IL1R1: variants seen among roughly 807,000 people sequenced by gnomAD.
IL1R1 encodes interleukin 1 receptor type 1.
IL1R1 carries 22 observed loss-of-function variants against 50.2 expected under a neutral mutation model. The observed-to-expected ratio is 0.44, with a 90% confidence interval of 0.31 to 0.63. IL1R1 has a LOEUF of 0.63. IL1R1 is among the 20% of genes least tolerant of loss of function. The pLI is 0.07. For missense variants in IL1R1, 509 were observed against 676.2 expected, an observed-to-expected ratio of 0.75 and a Z score of 2.74; for synonymous variants, 251 against 236.7, an observed-to-expected ratio of 1.06 and a Z score of -0.55.
chr2:102,178,382 T>C lies in IL1R1; in HGVS notation c.*1623T>C, dbSNP rs1686315867. On this transcript the variant is annotated 3_prime_UTR_variant, in exon 12 of 12. Transcript: ENST00000410023. ...GAGCAATTTGCACATGTAACATAGA[T>C]TTATGTAATGCTTTATGTTTAAAAA... The C allele has an allele frequency of 1.3e-5, 2 of 152,324 alleles. No homozygotes were observed. Among genetic ancestry groups the C allele is most frequent in the East Asian group, 1.9e-4 (1 of 5,318 alleles). 9.4% of individuals were successfully genotyped at this position (152,324 alleles called of 1,614,324 possible).
chr2:102,112,890 G>A (rs1293875648), intron 1 of IL1R1, among the ~76,000 whole-genome samples: 1 of 152,132 alleles, frequency 6.6e-6, no homozygotes, highest in African/African-American at 2.4e-5. Flanking sequence ...CATGAGGGTG[G>A]AGCCCTGATA....
At chr2:102,087,848 T>C (rs1389249257) in intron 1 of IL1R1, among the ~76,000 whole-genome samples, 1 of 152,240 alleles carries the variant, frequency 6.6e-6, no homozygotes, top group African/African-American at 2.4e-5. Flanking sequence ...ATACCCATGT[T>C]GTCATTTCAG....
intron 1 of IL1R1, among the ~76,000 whole-genome samples, chr2:102,115,992 A>G (rs1681050221): frequency 6.6e-6 from 1 of 152,208 alleles, no homozygotes; most frequent in Non-Finnish European, 1.5e-5. Flanking sequence ...CAAACGGCAA[A>G]TAGGAGCTTG....
intron 1 of IL1R1, among the ~76,000 whole-genome samples, chr2:102,125,468 T>C (rs993541918): frequency 1.3e-5 from 2 of 151,758 alleles, no homozygotes; most frequent in African/African-American, 4.8e-5. Flanking sequence ...AAGGGGAGAG[T>C]TTCTGGCATG....
chr2:102,140,489 G>A (rs1454233160), upstream of IL1R1, among the ~76,000 whole-genome samples: 2 of 152,186 alleles, frequency 1.3e-5, no homozygotes, highest in African/African-American at 4.8e-5. Flanking sequence ...GTGTCCAGAG[G>A]CTAACAATGC....
upstream of IL1R1, among the ~76,000 whole-genome samples, chr2:102,141,467 C>T (rs979007394): frequency 3.9e-5 from 6 of 152,312 alleles, 1 homozygote; most frequent in South Asian, 1.0e-3. Context: ...AGCCTGCTTT[C>T]TCGAGGAAAA....
At chr2:102,111,024 C>T (rs1184851239) in intron 1 of IL1R1, among the ~76,000 whole-genome samples, 1 of 152,138 alleles carries the variant, frequency 6.6e-6, no homozygotes, top group Non-Finnish European at 1.5e-5. Context: ...AGCATAAAAA[C>T]CCAGCATGAG....
intron 3 of IL1R1, among the ~76,000 whole-genome samples, chr2:102,161,192 T>G (rs1350681264): frequency 6.6e-6 from 1 of 152,208 alleles, no homozygotes; most frequent in Non-Finnish European, 1.5e-5. Context: ...TTTCTTTGAC[T>G]CATGAGTTAT....
intron 1 of IL1R1, among the ~76,000 whole-genome samples, chr2:102,109,437 TAGTGA>T (rs1419469767): frequency 6.6e-6 from 1 of 150,800 alleles, no homozygotes; most frequent in Non-Finnish European, 1.5e-5. Flanking sequence ...AGCTGCAGGC[TAGTGA>T]GGAGAGATCC....
intron 1 of IL1R1, among the ~76,000 whole-genome samples, chr2:102,152,421 C>T (rs554774318): frequency 2.2e-5 from 3 of 139,466 alleles, no homozygotes; most frequent in African/African-American, 8.1e-5. Flanking sequence ...AGGAGAATGG[C>T]CTGGATGCGG....
intron 9 of IL1R1, among the ~76,000 whole-genome samples, 165 bp downstream of exon 9, chr2:102,173,003 G>C (rs1483398827): frequency 6.6e-6 from 1 of 152,052 alleles, no homozygotes; most frequent in African/African-American, 2.4e-5. Context: ...TCTCTTCTTG[G>C]AAGCTTTTCT....
In IL1R1 at chr2:102,084,024, TC is replaced by T. The variant is rs377334183; in HGVS notation, c.-84+13492del. On this transcript the variant is annotated intron_variant, in intron 1 of 11. Transcript: ENST00000409929. Reference sequence around the variant, plus strand: ...TTTGCCCTGCCTTTTAGCTCTGTGGTCTTGACCAAGGCCTCATAGCGACTCT... The same window carrying T: ...TTTGCCCTGCCTTTTAGCTCTGTGGTTTGACCAAGGCCTCATAGCGACTCT... Among the ~76,000 whole-genome samples, 447 of 152,296 alleles carry T rather than the reference TC, an allele frequency of 2.9e-3. 2 individuals are homozygous for T. Among genetic ancestry groups the T allele is most frequent in the African/African-American group, 9.0e-3 (372 of 41,542 alleles).
intron 1 of IL1R1, among the ~76,000 whole-genome samples, chr2:102,079,466 G>A (rs1463497408): frequency 6.6e-6 from 1 of 151,896 alleles, no homozygotes; most frequent in Non-Finnish European, 1.5e-5. Flanking sequence ...TGAAAAATTT[G>A]AAAATGAAAT....
chr2:102,100,591 A>G (rs1415650508), upstream of IL1R1, among the ~76,000 whole-genome samples: 3 of 152,206 alleles, frequency 2.0e-5, no homozygotes, highest in Non-Finnish European at 4.4e-5. Context: ...TAACAACCTC[A>G]TCAAACAAAA....
At chr2:102,139,041 C>T (rs1390333005), upstream of IL1R1, among the ~76,000 whole-genome samples, 1 of 151,998 alleles carries the variant, frequency 6.6e-6, no homozygotes, top group African/African-American at 2.4e-5. Flanking sequence ...CTTCCAAACC[C>T]TGCATTTGTT....
upstream of IL1R1, among the ~76,000 whole-genome samples, chr2:102,137,876 A>C (rs1398549095): frequency 6.6e-6 from 1 of 152,212 alleles, no homozygotes; most frequent in Non-Finnish European, 1.5e-5. Context: ...TAAAAGGTTG[A>C]AAGGCTCCAA....
rs201939068 is a variant in IL1R1 at position 102,168,555 on chromosome 2, A to G, written c.656-43A>G. On this transcript the variant is annotated intron_variant, in intron 6 of 11. Coordinates refer to ENST00000410023, the MANE Select transcript of IL1R1 (RefSeq NM_000877.4). ...AGTGTTGTCGTCACTTGAGATTCTG[A>G]TCTATAAGAGACTGACAAACCTTAT... is the stretch of plus-strand genomic sequence containing the variant. 4.0e-6 allele frequency: 6 copies of G among 1,490,280 alleles called. No homozygotes were observed. The South Asian group carries it at 6.8e-5, about 17-fold the overall frequency. The allele number at this position is 1,490,280 out of a possible 1,614,324, so 92.3% of individuals were successfully genotyped here.
upstream of IL1R1, among the ~76,000 whole-genome samples, chr2:102,139,884 C>G (rs1221880130): frequency 6.6e-6 from 1 of 152,100 alleles, no homozygotes; most frequent in African/African-American, 2.4e-5. Flanking sequence ...TTCCCAGTTT[C>G]AGGTATTTTT....
rs955736523 is a variant in IL1R1, at chr2:102,105,585, C to G, written c.-84+713C>G. 2.0e-5 allele frequency among the ~76,000 whole-genome samples: 3 copies of G among 152,140 alleles called. No homozygotes were observed. The East Asian group carries it at 5.8e-4, about 29-fold the overall frequency. On this transcript the variant is annotated intron_variant, in intron 1 of 10. Coordinates refer to the IL1R1 transcript ENST00000409329. ...TTCACTGTGTTAGCCAGGATGGTCT[C>G]GATCTCCTGACCTCGTGATCCACCT...
Sources: allele counts gnomAD v4.1 joint callset (sites outside exome capture counted in the v4.1 genomes callset), GRCh38; gene constraint gnomAD v4.1.1; transcripts MANE v1.5; gene names NCBI Gene and HGNC (gene_info 2026-07-23, HGNC 2026-07-21).